RSBN1L: variants seen among roughly 807,000 people sequenced by gnomAD.
The protein encoded by RSBN1L is round spermatid basic protein 1 like.
Under a neutral mutation model 67.7 loss-of-function variants are expected in RSBN1L, and 30 were observed. The ratio of observed to expected loss-of-function variants is 0.44; its 90% CI spans 0.33 to 0.60. RSBN1L has a LOEUF of 0.60. Ranked by LOEUF, RSBN1L falls within the 20% of genes least tolerant of loss-of-function variation. The pLI, the probability that RSBN1L is intolerant of heterozygous loss-of-function variation, is 0.02. For missense variants in RSBN1L, 992 were observed against 1,031.7 expected, an observed-to-expected ratio of 0.96 and a Z score of 0.53; for synonymous variants, 433 against 387.0, an observed-to-expected ratio of 1.12 and a Z score of -1.39.
chr7:77,735,783 T>G (rs768907763), intron 1 of RSBN1L, among the ~76,000 whole-genome samples: 4 of 152,140 alleles, frequency 2.6e-5, no homozygotes, highest in Non-Finnish European at 4.4e-5. Flanking sequence ...ATATTTTGTT[T>G]GAAGTTTTAG....
chr7:77,729,342 A>G (rs1221171098), intron 1 of RSBN1L, among the ~76,000 whole-genome samples: 1 of 152,192 alleles, frequency 6.6e-6, no homozygotes, highest in Non-Finnish European at 1.5e-5. Context: ...AAATGAAGGC[A>G]GTGTCCACTA....
intron 1 of RSBN1L, among the ~76,000 whole-genome samples, chr7:77,712,957 G>C (rs577878793): frequency 2.0e-5 from 3 of 152,144 alleles, no homozygotes; most frequent in African/African-American, 7.2e-5. Flanking sequence ...ACAATTTGCT[G>C]TCTCACTTGC....
intron 1 of RSBN1L, 122 bp downstream of exon 1, chr7:77,697,177 GGC>G (rs1790748472): frequency 8.9e-7 from 1 of 1,117,388 alleles, no homozygotes; most frequent in African/African-American, 1.6e-5. Context: ...GGGGCTGGGA[GGC>G]GTCCGGTTTT....
intron 1 of RSBN1L, among the ~76,000 whole-genome samples, chr7:77,725,243 A>ATTTTTTTTTTTTTT (rs1554338354): frequency 3.5e-5 from 2 of 57,916 alleles, no homozygotes; most frequent in African/African-American, 8.8e-5. Flanking sequence ...TAAGCCCCCC[A>ATTTTTTTTTTTTTT]CTTTTTTTTT....
chr7:77,759,768 A>ATG (rs1242162847), intron 3 of RSBN1L: 1 of 152,184 alleles, frequency 6.6e-6, no homozygotes, highest in African/African-American at 2.4e-5. Context: ...ATATCTTGGA[A>ATG]TGTTGATAGG....
chr7:77,761,649 A>G (rs976949778), intron 3 of RSBN1L, among the ~76,000 whole-genome samples: 2 of 152,180 alleles, frequency 1.3e-5, no homozygotes, highest in African/African-American at 4.8e-5. Context: ...ACCATCATGT[A>G]TTTTATCAAG....
intron 3 of RSBN1L, among the ~76,000 whole-genome samples, chr7:77,750,521 G>A (rs1450750321): frequency 1.3e-5 from 2 of 152,050 alleles, no homozygotes; most frequent in Admixed American, 1.3e-4. Flanking sequence ...GGAATCATCA[G>A]TTACTGTGTA....
chr7:77,713,525 T>G (rs1456284293), intron 1 of RSBN1L, among the ~76,000 whole-genome samples: 1 of 149,598 alleles, frequency 6.7e-6, no homozygotes, highest in Non-Finnish European at 1.5e-5. Flanking sequence ...CCCGGCTAAT[T>G]TTTTGTATTT....
At chr7:77,702,327 T>C (rs1790829541) in intron 1 of RSBN1L, among the ~76,000 whole-genome samples, 1 of 152,212 alleles carries the variant, frequency 6.6e-6, no homozygotes, top group African/African-American at 2.4e-5. Flanking sequence ...TATTATAGTA[T>C]TTTGTTCCTT....
intron 2 of RSBN1L, among the ~76,000 whole-genome samples, chr7:77,737,172 A>G (rs1791348837): frequency 6.6e-6 from 1 of 152,180 alleles, no homozygotes; most frequent in South Asian, 2.1e-4. Context: ...AATTTGTGGT[A>G]GAATAGACGT....
At chr7:77,720,628 G>C (rs1435887299) in intron 1 of RSBN1L, among the ~76,000 whole-genome samples, 1 of 152,092 alleles carries the variant, frequency 6.6e-6, no homozygotes, top group Non-Finnish European at 1.5e-5. Context: ...ACACGGTTAA[G>C]TAACTTGCTT....
rs767530312 is a variant in RSBN1L at position 77,778,604 on chromosome 7, A to C, written c.1977A>C (p.Leu659=). 6.2e-7 allele frequency: 1 copy of C among 1,614,118 alleles called. No individual in the cohort carries two copies. The highest frequency in any genetic ancestry group is 1.1e-5 in the South Asian group (1 of 91,086). The change falls in exon 8 of 8, where the codon CTA becomes CTC. Residue 659 remains leucine (L), a synonymous_variant. Coordinates refer to ENST00000334955, the MANE Select transcript of RSBN1L (RefSeq NM_198467.3). The part of the protein sequence containing the change: ...REGIRYARIQ[L]YDNDIYFIPR... ...GCATTCGCTATGCCAGGATTCAGCT[A>C]TATGATAATGACATTTATTTTATTC... is the stretch of plus-strand genomic sequence containing the variant.
At chr7:77,709,430 C>A (rs1371373667) in intron 1 of RSBN1L, among the ~76,000 whole-genome samples, 2 of 151,996 alleles carry the variant, frequency 1.3e-5, no homozygotes, top group Admixed American at 1.3e-4. Flanking sequence ...GCTGGAATTA[C>A]AGGCACCCAC....
intron 1 of RSBN1L, among the ~76,000 whole-genome samples, chr7:77,699,895 C>T (rs1248043162): frequency 6.6e-6 from 1 of 151,340 alleles, no homozygotes. Context: ...CTCCCGGGTT[C>T]AAGCAATTCT....
intron 1 of RSBN1L, among the ~76,000 whole-genome samples, chr7:77,736,079 A>G (rs975298699): frequency 6.6e-6 from 1 of 152,292 alleles, no homozygotes; most frequent in East Asian, 1.9e-4. Flanking sequence ...CAATTTCAAC[A>G]CTGGCACTTT....
At chr7:77,763,178 T>C (rs1791718516) in intron 3 of RSBN1L, among the ~76,000 whole-genome samples, 1 of 145,908 alleles carries the variant, frequency 6.9e-6, no homozygotes, top group Non-Finnish European at 1.5e-5. Context: ...TTGGTCTCGC[T>C]GTGTTGCTCA....
At chr7:77,740,151 A>G (rs1034629190) in intron 2 of RSBN1L, among the ~76,000 whole-genome samples, 2 of 152,206 alleles carry the variant, frequency 1.3e-5, no homozygotes, top group African/African-American at 4.8e-5. Context: ...TTGGTAAGAA[A>G]GTTGGATTAT....
chr7:77,770,047 A>G (rs1377271123), intron 5 of RSBN1L, among the ~76,000 whole-genome samples: 2 of 152,196 alleles, frequency 1.3e-5, no homozygotes, highest in African/African-American at 2.4e-5. Flanking sequence ...CAGTAGGGGA[A>G]TGGTTGAATA....
intron 1 of RSBN1L, among the ~76,000 whole-genome samples, chr7:77,729,590 G>A (rs1384078332): frequency 6.6e-6 from 1 of 152,148 alleles, no homozygotes; most frequent in Non-Finnish European, 1.5e-5. Context: ...TTACACTGAA[G>A]CATATGTGGC....
Sources: gnomAD v4.1 joint callset for allele counts (sites outside exome capture counted in the v4.1 genomes callset) on GRCh38, gnomAD v4.1.1 for gene constraint, MANE v1.5 for transcripts, NCBI Gene and HGNC (gene_info 2026-07-23, HGNC 2026-07-21) for gene names.